Variants in ADH1B observed in about 807,000 individuals in gnomAD.
ADH1B encodes the protein all-trans-retinol dehydrogenase [NAD(+)] ADH1B.
In ADH1B, 29 loss-of-function variants were observed where a neutral mutation model predicts 34.6. The observed-to-expected ratio is 0.84, with a 90% confidence interval of 0.62 to 1.14. The LOEUF (loss-of-function observed/expected upper bound fraction) is 1.14. Among genes scored for constraint, ADH1B ranks in the 50% most tolerant of loss-of-function variants. The pLI, the probability that ADH1B is intolerant of heterozygous loss-of-function variation, is 0.00. For synonymous variants in ADH1B, 170 were observed against 175.5 expected (o/e 0.97, Z 0.25); for missense variants, 424 against 468.4 (o/e 0.91, Z 0.87).
intron 1 of ADH1B, chr4:99,321,046 AC>A (rs1734012901): frequency 1.6e-6 from 1 of 614,244 alleles, no homozygotes; most frequent in Non-Finnish European, 2.4e-6. Flanking sequence ...CTTGGAATAA[AC>A]TATCATTTTA....
At chr4:99,314,252 A>T in intron 5 of ADH1B, 171 bp from the exon 6 acceptor site, 1 of 1,118,768 alleles carries the variant, frequency 8.9e-7, no homozygotes, top group South Asian at 1.6e-5. Flanking sequence ...ATTCAAGGGG[A>T]TGAACTAGTT....
chr4:99,317,884 T>G, intron 3 of ADH1B, 162 bp downstream of exon 3: 1 of 1,191,952 alleles, frequency 8.4e-7, no homozygotes, highest in Non-Finnish European at 1.2e-6. Flanking sequence ...GCATACATGC[T>G]TGGGTCAGGC....
At chr4:99,318,942 G>A (rs768982796) in intron 1 of ADH1B, 56 bp from the exon 2 acceptor site, 2 of 1,560,142 alleles carry the variant, frequency 1.3e-6, no homozygotes, top group Non-Finnish European at 1.8e-6. Flanking sequence ...GAAGTCATAA[G>A]TTGTGTCTTT....
intron 8 of ADH1B, among the ~76,000 whole-genome samples, chr4:99,308,921 A>G (rs576933902): frequency 6.6e-6 from 1 of 152,142 alleles, no homozygotes; most frequent in Admixed American, 6.5e-5. Context: ...TACATATGTA[A>G]CTAACCTGCA....
chr4:99,319,407 T>A (rs1733967644), intron 1 of ADH1B: 1 of 159,196 alleles, frequency 6.3e-6, no homozygotes, highest in African/African-American at 2.4e-5. Flanking sequence ...CTTATTGTCC[T>A]CTTTTAATTT....
Position 99,315,896 on chromosome 4 carries a change from A to C in ADH1B, c.567+2T>G, listed in dbSNP as rs756696371. Reference sequence around the variant, plus strand: ...AGTTTTATCACCCATTGTCATTCTCACCTTGGCAACGTTAACTGCAGACCC... The same window carrying C: ...AGTTTTATCACCCATTGTCATTCTCCCCTTGGCAACGTTAACTGCAGACCC... On this transcript the variant is annotated splice_donor_variant, in intron 5 of 8. Coordinates refer to ENST00000305046, the MANE Select transcript of ADH1B (RefSeq NM_000668.6). LOFTEE classifies it high-confidence loss of function. The C allele has an allele frequency of 6.2e-7, 1 of 1,614,044 alleles. No individual in the cohort carries two copies. Among genetic ancestry groups the C allele is most frequent in the Non-Finnish European group, 8.5e-7 (1 of 1,179,992 alleles).
chr4:99,312,561 T>C (rs1733780943), intron 6 of ADH1B, among the ~76,000 whole-genome samples: 1 of 152,244 alleles, frequency 6.6e-6, no homozygotes, highest in Non-Finnish European at 1.5e-5. Context: ...TAGAGAATTC[T>C]GGGTAGGTGA....
At chr4:99,308,666 T>C (rs1733675595) in intron 8 of ADH1B, among the ~76,000 whole-genome samples, 1 of 152,052 alleles carries the variant, frequency 6.6e-6, no homozygotes, top group African/African-American at 2.4e-5. Flanking sequence ...TTTGTGACTC[T>C]TTAATAATTT....
chr4:99,310,409 G>A, intron 8 of ADH1B: 1 of 412,826 alleles, frequency 2.4e-6, no homozygotes, highest in Non-Finnish European at 4.7e-6. Context: ...ATAGGTAGAA[G>A]GAAGAGGCTT....
intron 6 of ADH1B, among the ~76,000 whole-genome samples, chr4:99,313,080 G>A (rs1733791793): frequency 6.7e-6 from 1 of 150,300 alleles, no homozygotes; most frequent in Admixed American, 6.6e-5. Flanking sequence ...AGGCTGGAGT[G>A]CAATGGCGCG....
chr4:99,307,127 T>G lies in ADH1B; in HGVS notation c.*713A>C, dbSNP rs1167399502. The G allele has an allele frequency of 6.6e-6, 1 of 152,238 alleles. No homozygotes were observed. Among genetic ancestry groups the G allele is most frequent in the Non-Finnish European group, 1.5e-5 (1 of 68,042 alleles). 9.4% of individuals were successfully genotyped at this position (152,238 alleles called of 1,614,324 possible). A position where few individuals can be genotyped will look rare whatever the true frequency, so the allele number is the denominator to read the frequency against. On this transcript the variant is annotated 3_prime_UTR_variant, in exon 9 of 9. Transcript: ENST00000305046. ...ACATGATTCTGGGAATAGTTCAGTTTTTACAATTAGTAATTGAGGCTTTGT... is the reference window on the plus strand; with the variant it reads ...ACATGATTCTGGGAATAGTTCAGTTGTTACAATTAGTAATTGAGGCTTTGT...
At position 99,311,540 on chromosome 4, in the gene ADH1B, C is replaced by T; in HGVS notation, c.945G>A (p.Trp315Ter). Reference sequence around the variant, plus strand: ...ACATACCACCATAAACAGCCCCCTTCCAGGTGCGTCCAGTCAGTAGCAGCA... The same window carrying T: ...ACATACCACCATAAACAGCCCCCTTTCAGGTGCGTCCAGTCAGTAGCAGCA... ...NPMLLLTGRT[W>*]KGAVYGGFKS... Residue 315 changes from tryptophan to a stop codon, truncating the protein, a stop_gained, in exon 7 of 9, where the codon TGG (tryptophan) becomes TGA (stop). Transcript: ENST00000305046. LOFTEE classifies it high-confidence loss of function. 1 of 1,613,904 alleles carries T rather than the reference C, an allele frequency of 6.2e-7. No individual in the cohort carries two copies. Among genetic ancestry groups the T allele is most frequent in the Non-Finnish European group, 8.5e-7 (1 of 1,179,852 alleles).
At chr4:99,318,626 A>T in intron 2 of ADH1B, 159 bp downstream of exon 2, 1 of 732,390 alleles carries the variant, frequency 1.4e-6, no homozygotes, top group Non-Finnish European at 2.1e-6. Context: ...TTAAAAATTT[A>T]AAATTTATAT....
At position 99,318,611 on chromosome 4, in the gene ADH1B, A is replaced by AT. The variant is rs1733946510; in HGVS notation, c.120+173dup. On this transcript the variant is annotated intron_variant, in intron 2 of 8. Coordinates refer to ENST00000305046, the MANE Select transcript of ADH1B (RefSeq NM_000668.6). Reference sequence around the variant, plus strand: ...ATTATACTGTATGTACTCTTTGATCATTTTTTAAAAATTTAAAATTTATAT... The same window carrying AT: ...ATTATACTGTATGTACTCTTTGATCATTTTTTTAAAAATTTAAAATTTATAT... 7.5e-6 allele frequency: 5 copies of AT among 670,624 alleles called. 1 individual carries two copies. The Admixed American group carries it at 1.6e-4, about 22-fold the overall frequency. 41.5% of individuals were successfully genotyped at this position (670,624 alleles called of 1,614,324 possible).
In ADH1B at chr4:99,305,573, A is replaced by G. The variant is rs1163933901; in HGVS notation, c.*2267T>C. 0.048 allele frequency: 2,402 copies of G among 50,000 alleles called. 329 individuals are homozygous for G. Among genetic ancestry groups the G allele is most frequent in the African/African-American group, 0.14 (2,210 of 16,014 alleles). The allele number at this position is 50,000 out of a possible 1,614,324, so 3.1% of individuals were successfully genotyped here. A position where few individuals can be genotyped will look rare whatever the true frequency, so the allele number is the denominator to read the frequency against. On this transcript the variant is annotated 3_prime_UTR_variant, in exon 9 of 9. Coordinates refer to ENST00000305046, the MANE Select transcript of ADH1B (RefSeq NM_000668.6). ...CTTGCCCCATAGTGTATATATATAT[A>G]TATATATATATATATATATATATAT... is the stretch of plus-strand genomic sequence containing the variant.
intron 8 of ADH1B, chr4:99,310,383 T>G (rs1296144941): frequency 2.2e-6 from 1 of 446,512 alleles, no homozygotes; most frequent in South Asian, 1.6e-5. Flanking sequence ...ATGCAGACAC[T>G]TAGTGTCAGC....
At chr4:99,309,104 A>T (rs1733685297) in intron 8 of ADH1B, among the ~76,000 whole-genome samples, 1 of 152,084 alleles carries the variant, frequency 6.6e-6, no homozygotes, top group African/African-American at 2.4e-5. Flanking sequence ...TGATGGTTTC[A>T]TTTATTTCTA....
intron 8 of ADH1B, 139 bp downstream of exon 8, chr4:99,310,626 C>A: frequency 8.4e-7 from 1 of 1,184,446 alleles, no homozygotes. Context: ...ATCCTACATA[C>A]GCTCCATGCA....
intron 8 of ADH1B, 95 bp downstream of exon 8, chr4:99,310,670 C>T (rs1011992149): frequency 2.0e-6 from 3 of 1,488,270 alleles, no homozygotes; most frequent in Non-Finnish European, 2.7e-6. Context: ...CCAAGGGACT[C>T]TATATTTTCT....
Sources: gnomAD v4.1 joint callset for allele counts (sites outside exome capture counted in the v4.1 genomes callset) on GRCh38, gnomAD v4.1.1 for gene constraint, MANE v1.5 for transcripts, NCBI Gene and HGNC (gene_info 2026-07-23, HGNC 2026-07-21) for gene names.